Variants in USH2A observed in about 807,000 individuals in gnomAD.
The protein encoded by USH2A is Usher syndrome 2A (autosomal recessive, mild).
Under a neutral mutation model 538.9 loss-of-function variants are expected in USH2A, and 443 were observed. That is an observed-to-expected ratio of 0.82 (90% CI 0.76 to 0.89). The LOEUF is 0.89. USH2A is among the 40% of genes least tolerant of loss of function. The probability of loss-of-function intolerance (pLI) is 0.00; values close to 1 mark genes in which losing one functional copy is unlikely to be tolerated. For missense variants in USH2A, 6,633 were observed against 6,324.8 expected (o/e 1.05, Z -1.65); for synonymous variants, 2,413 against 2,273.5 (o/e 1.06, Z -1.75).
At chr1:215,695,306 G>C (rs1658768395) in intron 61 of USH2A, among the ~76,000 whole-genome samples, 1 of 152,148 alleles carries the variant, frequency 6.6e-6, no homozygotes, top group African/African-American at 2.4e-5. Flanking sequence ...TAGGTAGTGA[G>C]ATTTGGAATT....
intron 32 of USH2A, among the ~76,000 whole-genome samples, chr1:216,016,674 G>A (rs746722597): frequency 6.6e-6 from 1 of 152,072 alleles, no homozygotes; most frequent in African/African-American, 2.4e-5. Flanking sequence ...TGAGAACAAG[G>A]ATGTATCTTA....
rs551652590 is a variant in USH2A at position 216,344,605 on chromosome 1, C to A, written c.785-16951G>T. Among the ~76,000 whole-genome samples, 6 of 152,008 alleles carry A rather than the reference C, an allele frequency of 3.9e-5. No individual in the cohort carries two copies. The South Asian group carries it at 1.2e-3, about 32-fold the overall frequency. On this transcript the variant is annotated intron_variant, in intron 4 of 71. Transcript: ENST00000307340. Reference sequence around the variant, plus strand: ...CAACACGGAGGAGACTCCCCTGACCCAAAGGAAATAGACTTCAGCACTTAT... The same window carrying A: ...CAACACGGAGGAGACTCCCCTGACCAAAAGGAAATAGACTTCAGCACTTAT...
At chr1:215,829,216 G>A (rs1433537441) in intron 47 of USH2A, among the ~76,000 whole-genome samples, 1 of 152,034 alleles carries the variant, frequency 6.6e-6, no homozygotes, top group African/African-American at 2.4e-5. Flanking sequence ...AAACTAGAAG[G>A]GTCCATTTGA....
At chr1:215,706,634 C>A (rs1038980266) in intron 61 of USH2A, among the ~76,000 whole-genome samples, 2 of 152,082 alleles carry the variant, frequency 1.3e-5, no homozygotes, top group Admixed American at 6.6e-5. Flanking sequence ...CACACTTAAG[C>A]AGTTGTGGCA....
At chr1:216,320,225 C>T (rs956080934) in intron 9 of USH2A, among the ~76,000 whole-genome samples, 3 of 151,980 alleles carry the variant, frequency 2.0e-5, no homozygotes, top group Non-Finnish European at 4.4e-5. Flanking sequence ...TAGTTCATGG[C>T]TGTTTAGACA....
At chr1:216,249,423 T>C (rs1427340177) in intron 12 of USH2A, among the ~76,000 whole-genome samples, 1 of 152,174 alleles carries the variant, frequency 6.6e-6, no homozygotes, top group African/African-American at 2.4e-5. Context: ...TTCACTGTCT[T>C]TAAAGGTCTT....
At chr1:216,233,093 A>G (rs991206516) in intron 13 of USH2A, among the ~76,000 whole-genome samples, 2 of 152,052 alleles carry the variant, frequency 1.3e-5, no homozygotes, top group African/African-American at 4.8e-5. Flanking sequence ...TCACTTCTCT[A>G]TTTGAAACTA....
At chr1:216,050,821 G>A (rs2030755697) in intron 30 of USH2A, among the ~76,000 whole-genome samples, 1 of 151,290 alleles carries the variant, frequency 6.6e-6, no homozygotes, top group Non-Finnish European at 1.5e-5. Flanking sequence ...TAGCCAGGAT[G>A]GTCTCGATCT....
intron 9 of USH2A, among the ~76,000 whole-genome samples, chr1:216,308,934 C>A (rs56921969): frequency 6.6e-6 from 1 of 152,178 alleles, no homozygotes; most frequent in Non-Finnish European, 1.5e-5. Flanking sequence ...CCATGCTGAG[C>A]TGCATTGCAG....
intron 21 of USH2A, among the ~76,000 whole-genome samples, chr1:216,133,553 TG>T (rs2033421674): frequency 6.6e-6 from 1 of 152,192 alleles, no homozygotes; most frequent in East Asian, 1.9e-4. Flanking sequence ...TTGTGATCGT[TG>T]ACTGCTGATC....
At chr1:215,658,725 TATC>T (rs1480589434) in intron 64 of USH2A, among the ~76,000 whole-genome samples, 1 of 152,262 alleles carries the variant, frequency 6.6e-6, no homozygotes, top group African/African-American at 2.4e-5. Flanking sequence ...TCGTGCCACT[TATC>T]ATGCTTTCAG....
Position 215,776,569 on chromosome 1 carries a change from T to C in USH2A, c.10939+3274A>G, listed in dbSNP as rs75672528. Among the ~76,000 whole-genome samples, 1,289 of 152,218 alleles carry C rather than the reference T, an allele frequency of 8.5e-3. 21 individuals are homozygous for C. The highest frequency in any genetic ancestry group is 0.029 in the African/African-American group (1,193 of 41,528). Reference sequence around the variant, plus strand: ...CTCCTGTCATTCCTAAGGACCTAGATTTTCAGGCTCCAGGACGACTAGTGC... The same window carrying C: ...CTCCTGTCATTCCTAAGGACCTAGACTTTCAGGCTCCAGGACGACTAGTGC... On this transcript the variant is annotated intron_variant, in intron 55 of 71. Coordinates refer to ENST00000307340, the MANE Select transcript of USH2A (RefSeq NM_206933.4).
chr1:216,274,008 C>T (rs549825302), intron 11 of USH2A, among the ~76,000 whole-genome samples: 33 of 152,132 alleles, frequency 2.2e-4, no homozygotes, highest in South Asian at 2.1e-4. Flanking sequence ...AATTAAAAGT[C>T]GCTAAAGTTA....
intron 58 of USH2A, among the ~76,000 whole-genome samples, chr1:215,751,047 G>A (rs1022213325): frequency 4.6e-5 from 7 of 152,106 alleles, no homozygotes; most frequent in African/African-American, 1.7e-4. Flanking sequence ...GTTAAGAAAA[G>A]TGAAACAACT....
At chr1:216,115,523 CTT>C (rs777122410) in intron 21 of USH2A, among the ~76,000 whole-genome samples, 2 of 152,134 alleles carry the variant, frequency 1.3e-5, no homozygotes, top group African/African-American at 2.4e-5. Context: ...ATAAAAAAGA[CTT>C]TTAAAATCAG....
intron 70 of USH2A, among the ~76,000 whole-genome samples, chr1:215,633,843 G>A (rs1381877300): frequency 6.6e-6 from 1 of 152,108 alleles, no homozygotes; most frequent in Non-Finnish European, 1.5e-5. Context: ...TGACTGTCCT[G>A]TAATACCAAG....
intron 47 of USH2A, among the ~76,000 whole-genome samples, chr1:215,821,148 C>A (rs1214384437): frequency 6.6e-6 from 1 of 151,680 alleles, no homozygotes; most frequent in Non-Finnish European, 1.5e-5. Flanking sequence ...TTTTTAGTTT[C>A]ATGAGGAACC....
At chr1:216,094,695 AT>A (rs913903966) in intron 22 of USH2A, among the ~76,000 whole-genome samples, 73 of 149,956 alleles carry the variant, frequency 4.9e-4, no homozygotes, top group African/African-American at 1.4e-3. Context: ...GCAGAGATGG[AT>A]TTTTTTTTTC....
At chr1:215,835,036 T>C (rs1044119723) in intron 47 of USH2A, among the ~76,000 whole-genome samples, 1 of 151,838 alleles carries the variant, frequency 6.6e-6, no homozygotes, top group East Asian at 1.9e-4. Flanking sequence ...TTTTGTTTTA[T>C]GGTTAGAGAA....
Sources: gnomAD v4.1 joint callset for allele counts (sites outside exome capture counted in the v4.1 genomes callset) on GRCh38, gnomAD v4.1.1 for gene constraint, MANE v1.5 for transcripts, NCBI Gene and HGNC (gene_info 2026-07-23, HGNC 2026-07-21) for gene names.